CCDC3: variants seen among roughly 807,000 people sequenced by gnomAD.
CCDC3 encodes coiled-coil domain containing 3, also known as coiled-coil domain-containing protein 3.
In CCDC3, 24 loss-of-function variants were observed where a neutral mutation model predicts 21.4. That is an observed-to-expected ratio of 1.12 (90% confidence interval 0.81 to 1.58). The LOEUF (loss-of-function observed/expected upper bound fraction) is 1.58, where lower values mean the gene tolerates loss of function less well. CCDC3 is among the 40% of genes most tolerant of loss of function. The probability of loss-of-function intolerance (pLI) is 0.00; values close to 1 mark genes in which losing one functional copy is unlikely to be tolerated. For missense variants in CCDC3, 425 were observed against 360.9 expected, an observed-to-expected ratio of 1.18 and a Z score of -1.44; for synonymous variants, 186 against 166.0, an observed-to-expected ratio of 1.12 and a Z score of -0.93.
chr10:13,009,138 A>T (rs1184744613), intron 5 of CCDC3, among the ~76,000 whole-genome samples: 1 of 152,228 alleles, frequency 6.6e-6, no homozygotes, highest in East Asian at 1.9e-4. Flanking sequence ...AACAATTGGA[A>T]ATTGACATTT....
intron 2 of CCDC3, among the ~76,000 whole-genome samples, chr10:12,918,734 A>C (rs1003361893): frequency 7.2e-5 from 11 of 152,228 alleles, no homozygotes; most frequent in Non-Finnish European, 1.5e-4. Context: ...GAAGGCTTCC[A>C]ACATACATTA....
exon 2 of CCDC3, chr10:13,099,162 A>G (rs994412104): frequency 1.3e-5 from 2 of 152,420 alleles, no homozygotes; most frequent in Admixed American, 1.3e-4. Flanking sequence ...GGTCTGGGGC[A>G]GTCGCTGACT....
chr10:12,910,605 A>AAG (rs1834255636), intron 2 of CCDC3, among the ~76,000 whole-genome samples: 1 of 130,796 alleles, frequency 7.6e-6, no homozygotes, highest in African/African-American at 3.0e-5. Context: ...AAAAAAAAAA[A>AAG]AAAAAATTTT....
intron 3 of CCDC3, among the ~76,000 whole-genome samples, chr10:13,080,982 C>T (rs923456826): frequency 2.6e-5 from 4 of 152,178 alleles, no homozygotes; most frequent in Admixed American, 2.0e-4. Flanking sequence ...GGCAGGGCCA[C>T]CAGGTCCCCT....
intron 4 of CCDC3, among the ~76,000 whole-genome samples, chr10:13,051,549 T>C (rs1026769651): frequency 6.6e-6 from 1 of 152,162 alleles, no homozygotes; most frequent in Non-Finnish European, 1.5e-5. Flanking sequence ...ACTATTACTA[T>C]TGTAACAGAA....
intron 2 of CCDC3, among the ~76,000 whole-genome samples, chr10:12,984,273 A>T (rs547797945): frequency 2.0e-5 from 3 of 152,248 alleles, no homozygotes; most frequent in African/African-American, 7.2e-5. Context: ...CCAAAAGGAC[A>T]CTATGCAAAT....
At chr10:13,096,338 T>G (rs1832629160) in intron 3 of CCDC3, among the ~76,000 whole-genome samples, 1 of 152,052 alleles carries the variant, frequency 6.6e-6, no homozygotes, top group Admixed American at 6.6e-5. Context: ...CACGCACCAC[T>G]ACTGCCTGGC....
intron 2 of CCDC3, among the ~76,000 whole-genome samples, chr10:12,917,687 T>G (rs1834381513): frequency 6.6e-6 from 1 of 152,220 alleles, no homozygotes; most frequent in African/African-American, 2.4e-5. Context: ...TCTTTTAGTG[T>G]GAATTTCGCT....
chr10:12,925,357 G>T (rs1252816611), intron 2 of CCDC3, among the ~76,000 whole-genome samples: 1 of 152,172 alleles, frequency 6.6e-6, no homozygotes, highest in African/African-American at 2.4e-5. Flanking sequence ...AAAAAATCAG[G>T]ATCTCCTTTT....
chr10:13,008,737 A>T (rs539296252), intron 5 of CCDC3, among the ~76,000 whole-genome samples: 2 of 152,242 alleles, frequency 1.3e-5, no homozygotes, highest in Non-Finnish European at 2.9e-5. Flanking sequence ...TATGCTTACA[A>T]AAAGAGAATT....
At chr10:12,926,827 T>C (rs1457901524) in intron 2 of CCDC3, among the ~76,000 whole-genome samples, 1 of 152,182 alleles carries the variant, frequency 6.6e-6, no homozygotes, top group African/African-American at 2.4e-5. Context: ...CATTAAGTAT[T>C]ACTAGAGATA....
intron 3 of CCDC3, among the ~76,000 whole-genome samples, chr10:13,090,474 C>T (rs527369843): frequency 1.3e-5 from 2 of 152,124 alleles, no homozygotes; most frequent in African/African-American, 4.8e-5. Context: ...AGAATTCAGC[C>T]CTTTTAGAGG....
intron 2 of CCDC3, among the ~76,000 whole-genome samples, chr10:12,924,466 C>CA (rs1274641823): frequency 6.6e-6 from 1 of 152,188 alleles, no homozygotes. Flanking sequence ...CCATGGAAGC[C>CA]AATATGTCAC....
At chr10:13,068,026 A>C (rs1052139183) in intron 4 of CCDC3, among the ~76,000 whole-genome samples, 2 of 152,188 alleles carry the variant, frequency 1.3e-5, no homozygotes, top group African/African-American at 4.8e-5. Flanking sequence ...TAATGTATGC[A>C]TGAGAGGCCC....
chr10:13,028,685 A>G (rs1836257778), intron 5 of CCDC3, among the ~76,000 whole-genome samples: 1 of 152,176 alleles, frequency 6.6e-6, no homozygotes, highest in African/African-American at 2.4e-5. Context: ...TTTGCCCCAC[A>G]CGCCAAACAA....
In CCDC3 at chr10:13,072,063, T is replaced by C. The variant is rs117592965; in HGVS notation, c.-270+1805A>G. On this transcript the variant is annotated intron_variant, in intron 4 of 6. Transcript: ENST00000378839. The stretch of plus-strand genomic sequence containing the variant: ...TTTCATTTTTTATTTTTTTAACCAG[T>C]TGGGCTTTTGGCCTCCCCTCCCACT... Among the ~76,000 whole-genome samples the C allele has an allele frequency of 3.2e-4, 48 of 152,238 alleles. 1 individual carries two copies. In the East Asian group the frequency reaches 5.6e-3, roughly 18 times the overall value.
chr10:13,025,421 A>G (rs1275707913), intron 5 of CCDC3, among the ~76,000 whole-genome samples: 1 of 152,226 alleles, frequency 6.6e-6, no homozygotes, highest in Non-Finnish European at 1.5e-5. Flanking sequence ...GAATTAACAT[A>G]TGAGGGGGCT....
At chr10:13,070,311 T>C (rs1055998086) in intron 4 of CCDC3, among the ~76,000 whole-genome samples, 1 of 152,244 alleles carries the variant, frequency 6.6e-6, no homozygotes, top group African/African-American at 2.4e-5. Flanking sequence ...TATGGCCATA[T>C]AGTTGTTTGC....
intron 3 of CCDC3, among the ~76,000 whole-genome samples, chr10:13,088,287 T>TA (rs920763270): frequency 2.0e-5 from 3 of 151,520 alleles, no homozygotes; most frequent in African/African-American, 4.8e-5. Context: ...TTGAGAAGGA[T>TA]AAAAAAAAAT....
Sources: allele counts gnomAD v4.1 joint callset (sites outside exome capture counted in the v4.1 genomes callset), GRCh38; gene constraint gnomAD v4.1.1; transcripts MANE v1.5; gene names NCBI Gene and HGNC (gene_info 2026-07-23, HGNC 2026-07-21).